NFIC: variants seen among roughly 807,000 people sequenced by gnomAD.
NFIC encodes the protein nuclear factor 1 C-type.
Under a neutral mutation model 54.4 loss-of-function variants are expected in NFIC, and 12 were observed. The ratio of observed to expected loss-of-function variants is 0.22; its 90% CI spans 0.14 to 0.36. NFIC has a LOEUF of 0.36. Among genes scored for constraint, NFIC ranks in the 10% least tolerant of loss-of-function variants. The probability of loss-of-function intolerance (pLI) is 1.00; values close to 1 mark genes in which losing one functional copy is unlikely to be tolerated. For missense variants in NFIC, 575 were observed against 718.2 expected (o/e 0.80, Z 2.28); for synonymous variants, 322 against 319.2 (o/e 1.01, Z -0.09).
chr19:3,404,010 C>G (rs1375913574), intron 2 of NFIC, among the ~76,000 whole-genome samples: 1 of 151,834 alleles, frequency 6.6e-6, no homozygotes, highest in Admixed American at 6.6e-5. Context: ...CCCTTCTCCA[C>G]CCCCCCAGCC....
Position 3,375,647 on chromosome 19 carries a change from T to TTGG in NFIC, c.31-6065_31-6064insTGG, listed in dbSNP as rs780104874. ...ACTCACGCTTTGGGGGACATTGGGG[T>TTGG]GGGGGAGCTTCGCTGGTACAAGCTG... On this transcript the variant is annotated intron_variant, in intron 1 of 10. Coordinates refer to ENST00000443272, the MANE Select transcript of NFIC (RefSeq NM_001245002.2). This position sits in a 1 kb window ranked among gnomAD's most constrained non-coding sequence, Gnocchi z 4.6. Among the ~76,000 whole-genome samples, 83 of 151,948 alleles carry TTGG rather than the reference T, an allele frequency of 5.5e-4. No homozygotes were observed. In the Middle Eastern group the frequency reaches 0.014, roughly 25 times the overall value.
At chr19:3,371,513 A>G (rs2081010293) in intron 1 of NFIC, 1 of 151,758 alleles carries the variant, frequency 6.6e-6, no homozygotes, top group African/African-American at 2.4e-5. Context: ...GAATGAATGA[A>G]TGAATGTTTT....
Position 3,435,587 on chromosome 19 carries a change from T to G in NFIC, c.958+380T>G, listed in dbSNP as rs370760930. ...ATCCCTCGTCTGTAGGGACCCTGTTTGTCCTCTTCCCCTCTAGAAGGTCCT... is the reference window on the plus strand; with the variant it reads ...ATCCCTCGTCTGTAGGGACCCTGTTGGTCCTCTTCCCCTCTAGAAGGTCCT... On this transcript the variant is annotated intron_variant, in intron 6 of 10. Transcript: ENST00000443272. Among the ~76,000 whole-genome samples, 3 of 152,220 alleles carry G rather than the reference T, an allele frequency of 2.0e-5. No homozygotes were observed. In the East Asian group the frequency reaches 5.8e-4, roughly 29 times the overall value.
chr19:3,440,565 G>C (rs1281454409), intron 6 of NFIC, among the ~76,000 whole-genome samples: 1 of 152,016 alleles, frequency 6.6e-6, no homozygotes, highest in Non-Finnish European at 1.5e-5. Flanking sequence ...CGAATAGCTA[G>C]GATTACAGGT....
chr19:3,434,965 G>A lies in NFIC; in HGVS notation c.834-118G>A. 3.7e-6 allele frequency: 5 copies of A among 1,338,694 alleles called. No individual in the cohort carries two copies. In the South Asian group the frequency reaches 6.1e-5, roughly 16 times the overall value. The allele number at this position is 1,338,694 out of a possible 1,614,324, so 82.9% of individuals were successfully genotyped here. A position where few individuals can be genotyped will look rare whatever the true frequency, so the allele number is the denominator to read the frequency against. On this transcript the variant is annotated intron_variant, in intron 5 of 10. Coordinates refer to ENST00000443272, the MANE Select transcript of NFIC (RefSeq NM_001245002.2). ...ACGCCCGCGGCTCCCGCGATGTCTC[G>A]CGATACTACCTCCCTCGCCCCCGCT...
rs566623409 is a variant in NFIC, at chr19:3,467,788, T to TATATATATATAA, written c.*5020_*5021insTATATATATAAA. On this transcript the variant is annotated 3_prime_UTR_variant, in exon 11 of 11. Coordinates refer to ENST00000443272, the MANE Select transcript of NFIC (RefSeq NM_001245002.2). Reference sequence around the variant, plus strand: ...ATATATATATATATATATATATATATAATTTTGGAATTTGTTTCTCATAAT... The same window carrying TATATATATATAA: ...ATATATATATATATATATATATATATATATATATATAAAATTTTGGAATTTGTTTCTCATAAT... 7 of 136,798 alleles carry TATATATATATAA rather than the reference T, an allele frequency of 5.1e-5. No individual in the cohort carries two copies. Among genetic ancestry groups the TATATATATATAA allele is most frequent in the South Asian group, 4.6e-4 (2 of 4,338 alleles). The allele number at this position is 136,798 out of a possible 1,614,324, so 8.5% of individuals were successfully genotyped here.
rs373521039 is a variant in NFIC at position 3,453,762 on chromosome 19, G to C, written c.1270-1G>C. 6.2e-7 allele frequency: 1 copy of C among 1,600,424 alleles called. No homozygotes were observed. The highest frequency in any genetic ancestry group is 8.5e-7 in the Non-Finnish European group (1 of 1,174,704). On this transcript the variant is annotated splice_acceptor_variant, in intron 8 of 10. Coordinates refer to ENST00000443272, the MANE Select transcript of NFIC (RefSeq NM_001245002.2). LOFTEE classifies it high-confidence loss of function. The surrounding 1 kb of genome is among the most constrained non-coding windows in gnomAD (Gnocchi z 6.7). ...AACCACGTGTCTCTCTGTTCCCCCA[G>C]TTAAATGGAAGTGGTCAGCTCAAAA...
intron 5 of NFIC, among the ~76,000 whole-genome samples, 171 bp downstream of exon 5, chr19:3,434,571 C>T (rs964223875): frequency 2.0e-5 from 3 of 152,180 alleles, no homozygotes. Context: ...CCCCACGTGC[C>T]TCTTCCCCTA....
upstream of NFIC, among the ~76,000 whole-genome samples, chr19:3,363,855 G>GC (rs2080850000): frequency 1.3e-5 from 2 of 152,318 alleles, no homozygotes; most frequent in Admixed American, 1.3e-4. Flanking sequence ...GCCCAGGACG[G>GC]CCCCAACCCA....
intron 2 of NFIC, among the ~76,000 whole-genome samples, chr19:3,389,611 G>A (rs910526113): frequency 6.6e-6 from 1 of 152,114 alleles, no homozygotes; most frequent in Non-Finnish European, 1.5e-5. Context: ...TGTAGAATGG[G>A]GAGAATCAGA....
intron 5 of NFIC, 50 bp downstream of exon 5, chr19:3,434,450 A>G: frequency 1.3e-6 from 2 of 1,538,858 alleles, no homozygotes; most frequent in Non-Finnish European, 1.8e-6. Context: ...CCATTCATCA[A>G]CCCATCCCCT....
intron 2 of NFIC, among the ~76,000 whole-genome samples, chr19:3,382,749 A>G (rs1367753185): frequency 6.7e-6 from 1 of 150,228 alleles, no homozygotes; most frequent in Non-Finnish European, 1.5e-5. Flanking sequence ...GCATGTGTAG[A>G]TGTGATGTGG....
At chr19:3,420,401 G>A (rs866397502) in intron 2 of NFIC, among the ~76,000 whole-genome samples, 4 of 151,840 alleles carry the variant, frequency 2.6e-5, no homozygotes, top group African/African-American at 9.7e-5. Flanking sequence ...AAAATTAGCT[G>A]GGCGTGTGGG....
At chr19:3,376,209 C>T (rs908405300) in intron 1 of NFIC, among the ~76,000 whole-genome samples, 1 of 151,926 alleles carries the variant, frequency 6.6e-6, no homozygotes, top group Non-Finnish European at 1.5e-5. Flanking sequence ...GCGGGAGGAT[C>T]GCTTGAGCCC....
intron 6 of NFIC, among the ~76,000 whole-genome samples, chr19:3,442,884 G>T (rs1256082148): frequency 6.6e-6 from 1 of 152,214 alleles, no homozygotes; most frequent in Non-Finnish European, 1.5e-5. Context: ...CAGCTGTGAG[G>T]ACCACATTAA....
In NFIC at chr19:3,462,874, G is replaced by C; in HGVS notation, c.*105G>C. The C allele has an allele frequency of 6.3e-7, 1 of 1,599,232 alleles. No homozygotes were observed. The highest frequency in any genetic ancestry group is 8.5e-7 in the Non-Finnish European group (1 of 1,175,232). ...TTCGGTGGAAAATTAGAGTGAACAAGAACACCCCTGCCGACTCCCAGCCCG... is the reference window on the plus strand; with the variant it reads ...TTCGGTGGAAAATTAGAGTGAACAACAACACCCCTGCCGACTCCCAGCCCG... On this transcript the variant is annotated 3_prime_UTR_variant, in exon 11 of 11. Transcript: ENST00000443272.
In NFIC at chr19:3,438,790, C is replaced by T. The variant is rs114162201; in HGVS notation, c.958+3583C>T. On this transcript the variant is annotated intron_variant, in intron 6 of 10. Coordinates refer to ENST00000443272, the MANE Select transcript of NFIC (RefSeq NM_001245002.2). ...AAGCCCTCCTGTGTGCTGGCCCTACCTGAGGCCCTGGGGACACAGAGATGA... is the reference window on the plus strand; with the variant it reads ...AAGCCCTCCTGTGTGCTGGCCCTACTTGAGGCCCTGGGGACACAGAGATGA... Among the ~76,000 whole-genome samples the T allele has an allele frequency of 6.2e-3, 947 of 152,228 alleles. 5 individuals carry two copies. Among genetic ancestry groups the T allele is most frequent in the African/African-American group, 0.01 (416 of 41,546 alleles).
rs982000287 is a variant in NFIC, at chr19:3,463,996, C to T, written c.*1227C>T. On this transcript the variant is annotated 3_prime_UTR_variant, in exon 11 of 11. Transcript: ENST00000443272. ...AGAGAGATGGGGCCCCTGCGTGGCCCGAGGGGCAGAGCTGGGCGTCACTTC... is the reference window on the plus strand; with the variant it reads ...AGAGAGATGGGGCCCCTGCGTGGCCTGAGGGGCAGAGCTGGGCGTCACTTC... 1.0e-6 allele frequency: 1 copy of T among 985,150 alleles called. No homozygotes were observed. Among genetic ancestry groups the T allele is most frequent in the Non-Finnish European group, 1.2e-6 (1 of 829,920 alleles). 61.0% of individuals were successfully genotyped at this position (985,150 alleles called of 1,614,324 possible).
chr19:3,368,419 C>T (rs1474646559), intron 1 of NFIC, among the ~76,000 whole-genome samples: 1 of 152,136 alleles, frequency 6.6e-6, no homozygotes, highest in Non-Finnish European at 1.5e-5. Flanking sequence ...TCTCCAGGAA[C>T]AGGGCAAGGA....
Sources: gnomAD v4.1 joint callset for allele counts (sites outside exome capture counted in the v4.1 genomes callset) on GRCh38, gnomAD v4.1.1 for gene constraint, Gnocchi (gnomAD v3.1) non-coding constraint, MANE v1.5 for transcripts, NCBI Gene and HGNC (gene_info 2026-07-23, HGNC 2026-07-21) for gene names.